Variants in BRPF3 observed in about 807,000 individuals in gnomAD.
The protein encoded by BRPF3 is bromodomain and PHD finger containing 3, also known as bromodomain and PHD finger-containing protein 3.
Under a neutral mutation model 102.0 loss-of-function variants are expected in BRPF3, and 18 were observed. The ratio of observed to expected loss-of-function variants is 0.18; its 90% confidence interval spans 0.12 to 0.26. The LOEUF is 0.26. Among genes scored for constraint, BRPF3 ranks in the 10% least tolerant of loss-of-function variants. The pLI is 1.00. For missense variants in BRPF3, 1,147 were observed against 1,567.8 expected, an observed-to-expected ratio of 0.73 and a Z score of 4.53; for synonymous variants, 570 against 614.2, an observed-to-expected ratio of 0.93 and a Z score of 1.06.
chr6:36,211,595 G>GTTA (rs1375759413), intron 7 of BRPF3, 35 bp downstream of exon 7: 7 of 1,540,714 alleles, frequency 4.5e-6, no homozygotes, highest in Non-Finnish European at 6.1e-6. Context: ...GGGGGTTGGA[G>GTTA]GGTAAAGAGG....
intron 9 of BRPF3, 57 bp from the exon 10 acceptor site, chr6:36,222,111 G>A: frequency 1.3e-6 from 2 of 1,506,320 alleles, no homozygotes; most frequent in Non-Finnish European, 1.8e-6. Context: ...AAGGGGAGTC[G>A]GCGTTTTAGT....
intron 8 of BRPF3, among the ~76,000 whole-genome samples, chr6:36,215,531 C>T (rs1309380732): frequency 6.6e-6 from 1 of 152,232 alleles, no homozygotes; most frequent in Non-Finnish European, 1.5e-5. Context: ...AAATGAGTCT[C>T]TCAAAATGTA....
chr6:36,212,969 A>G (rs1359468797), intron 7 of BRPF3, among the ~76,000 whole-genome samples: 1 of 152,232 alleles, frequency 6.6e-6, no homozygotes, highest in Non-Finnish European at 1.5e-5. Context: ...CAAAAAAAAA[A>G]AAAAAGTTTC....
In BRPF3 at chr6:36,204,858, G is replaced by C. The variant is rs781692679; in HGVS notation, c.1605+44G>C. ...TGAGGCTGGTAGAGGGAGGTGGAGA[G>C]TGAAGGAAAAGGAATGATGGTTGGG... On this transcript the variant is annotated intron_variant, in intron 3 of 12. Transcript: ENST00000357641. 4 of 1,598,382 alleles carry C rather than the reference G, an allele frequency of 2.5e-6. 1 individual carries two copies. The South Asian group carries it at 4.4e-5, about 18-fold the overall frequency.
chr6:36,204,099 T>C (rs1438198677), intron 2 of BRPF3, among the ~76,000 whole-genome samples: 2 of 152,362 alleles, frequency 1.3e-5, no homozygotes, highest in Admixed American at 1.3e-4. Flanking sequence ...ATCCAATTTT[T>C]TTTTTCATTT....
chr6:36,228,056 G>A (rs115251436), intron 11 of BRPF3, among the ~76,000 whole-genome samples: 111 of 152,352 alleles, frequency 7.3e-4, no homozygotes, highest in African/African-American at 2.5e-3. Flanking sequence ...GAGGCAGTGG[G>A]CTGTGGAGGC....
chr6:36,204,051 G>T (rs1767814685), intron 2 of BRPF3, among the ~76,000 whole-genome samples: 1 of 152,124 alleles, frequency 6.6e-6, no homozygotes, highest in African/African-American at 2.4e-5. Context: ...AGTTTAGCCA[G>T]CTGGGTTTTC....
chr6:36,200,845 G>A lies in BRPF3; in HGVS notation c.523G>A (p.Gly175Arg). The part of the protein sequence containing the change: ...DMVNEKRRVD[G>R]HSLVSADTFE... ...GGTGAATGAAAAACGGCGAGTAGAT[G>A]GGCACAGTTTGGTGTCTGCAGATAC... The change falls in exon 2 of 13, where the codon GGG becomes AGG. Residue 175 changes from glycine to arginine, a missense_variant. By Grantham distance (125) the Gly-to-Arg change is moderately radical (BLOSUM62 -2). Coordinates refer to ENST00000357641, the MANE Select transcript of BRPF3 (RefSeq NM_015695.3). The surrounding 1 kb of genome is among the most constrained non-coding windows in gnomAD (Gnocchi z 5.3). 1.2e-6 allele frequency: 2 copies of A among 1,614,166 alleles called. No individual in the cohort carries two copies. The highest frequency in any genetic ancestry group is 8.5e-7 in the Non-Finnish European group (1 of 1,180,036).
At position 36,214,170 on chromosome 6, in the gene BRPF3, C is replaced by T. The variant is rs1768237468; in HGVS notation, c.2773C>T (p.Arg925Cys). Residue 925 changes from arginine to cysteine, a missense_variant, in exon 8 of 13, where the codon CGC (arginine) becomes TGC (cysteine). Around this residue, in one of 11 missense-constraint regions of BRPF3, gnomAD observed 379 missense variants for 426.3 expected, o/e 0.89. Coordinates refer to ENST00000357641, the MANE Select transcript of BRPF3 (RefSeq NM_015695.3). ...CGGTACCCCACTTAGTGGTGTGGGT[C>T]GCCGCACATCAGTCCTCTTCAAGAA... ...PAGTPLSGVG[R>C]RTSVLFKKAK... 1.9e-6 allele frequency: 3 copies of T among 1,614,030 alleles called. No homozygotes were observed. The highest frequency in any genetic ancestry group is 1.3e-5 in the African/African-American group (1 of 74,912).
chr6:36,198,263 G>A (rs1253841434), intron 1 of BRPF3, among the ~76,000 whole-genome samples: 1 of 152,192 alleles, frequency 6.6e-6, no homozygotes, highest in East Asian at 1.9e-4. Flanking sequence ...GGCCTTTCAA[G>A]TAAAGATGTT....
chr6:36,201,652 G>A lies in BRPF3; in HGVS notation c.1330G>A (p.Val444Met), dbSNP rs752171996. The change falls in exon 2 of 13, where the codon GTG becomes ATG. Residue 444 changes from valine (V) to methionine (M), a missense_variant. By Grantham distance (21) the Val-to-Met change is conservative. Transcript: ENST00000357641. This position sits in a 1 kb window ranked among gnomAD's most constrained non-coding sequence, Gnocchi z 5.1. ...QGGVSGSLKG[V>M]PKKSKMSLKQ... ...CGGGGTGAGTGGCTCCCTCAAGGGA[G>A]TGCCCAAGAAAAGCAAGATGAGTTT... 2 of 1,614,116 alleles carry A rather than the reference G, an allele frequency of 1.2e-6. No homozygotes were observed. Among genetic ancestry groups the A allele is most frequent in the Non-Finnish European group, 8.5e-7 (1 of 1,180,048 alleles).
At chr6:36,208,585 T>C (rs7755893) in intron 4 of BRPF3, among the ~76,000 whole-genome samples, 2,955 of 152,270 alleles carry the variant, frequency 0.019, 80 homozygotes, top group African/African-American at 0.066. Context: ...TTCCTCCTCA[T>C]AGCCTGGGCA....
At position 36,214,112 on chromosome 6, in the gene BRPF3, C is replaced by A. The variant is rs779412404; in HGVS notation, c.2715C>A (p.Asn905Lys). Residue 905 changes from asparagine (N) to lysine (K), a missense_variant, in exon 8 of 13, where the codon AAC (asparagine) becomes AAA (lysine). Around this residue, in one of 11 missense-constraint regions of BRPF3, gnomAD observed 379 missense variants for 426.3 expected, o/e 0.89. Coordinates refer to ENST00000357641, the MANE Select transcript of BRPF3 (RefSeq NM_015695.3). ...LQRLLSDNGI[N>K]RLSLMAPDTP... ...GCTTGCTCAGTGACAATGGCATCAA[C>A]AGACTATCCCTCATGGCCCCTGACA... 6.2e-7 allele frequency: 1 copy of A among 1,614,228 alleles called. No homozygotes were observed. Among genetic ancestry groups the A allele is most frequent in the South Asian group, 1.1e-5 (1 of 91,084 alleles).
chr6:36,211,276 C>T lies in BRPF3; in HGVS notation c.2198C>T (p.Pro733Leu), dbSNP rs1768096380. Residue 733 changes from proline (P) to leucine (L), a missense_variant, in exon 7 of 13, where the codon CCA (proline) becomes CTA (leucine). Around this residue, in one of 11 missense-constraint regions of BRPF3, gnomAD observed 109 missense variants for 175.1 expected, o/e 0.62. Transcript: ENST00000357641. ...SWEDVDNILI[P>L]ENRAHLSPEV... ...CTGGCAGTGGACAACATCCTCATCC[C>T]AGAGAACCGGGCCCATTTGTCCCCA... 1.9e-6 allele frequency: 3 copies of T among 1,613,766 alleles called. No individual in the cohort carries two copies. In the African/African-American group the frequency reaches 4.0e-5, roughly 22 times the overall value.
At chr6:36,225,196 C>A in intron 10 of BRPF3, 71 bp from the exon 11 acceptor site, 1 of 1,343,716 alleles carries the variant, frequency 7.4e-7, no homozygotes, top group Non-Finnish European at 1.0e-6. Context: ...AAGTGGAGGC[C>A]ACAGGCAGGC....
Position 36,230,313 on chromosome 6 carries a change from C to T in BRPF3, c.3435-113C>T. 9.3e-7 allele frequency: 1 copy of T among 1,069,916 alleles called. No homozygotes were observed. Among genetic ancestry groups the T allele is most frequent in the Non-Finnish European group, 1.4e-6 (1 of 728,634 alleles). 66.3% of individuals were successfully genotyped at this position (1,069,916 alleles called of 1,614,324 possible). On this transcript the variant is annotated intron_variant, in intron 12 of 12. Transcript: ENST00000357641. This position sits in a 1 kb window ranked among gnomAD's most constrained non-coding sequence, Gnocchi z 5.4. ...ATGGAGTCCCCCAATTTGCTTCCCT[C>T]TGCCCTGTACCCTCTCCCTGGCTTT...
intron 8 of BRPF3, 35 bp downstream of exon 8, chr6:36,214,421 ATCTGCTTT>A (rs750214143): frequency 1.3e-6 from 2 of 1,516,648 alleles, no homozygotes; most frequent in South Asian, 2.6e-5. Context: ...GATACTTCGC[ATCTGCTTT>A]TCTGCTTTGC....
At position 36,230,483 on chromosome 6, in the gene BRPF3, G is replaced by A. The variant is rs201170312; in HGVS notation, c.3492G>A (p.Lys1164=). ...TGGGTGTGGAAGACACCGTGGACAA[G>A]CTCAAGATGCTGGAAGGCCGCAAGA... ...LPLGVEDTVD[K]LKMLEGRKTS... Residue 1164 remains lysine, a synonymous_variant, in exon 13 of 13, where the codon AAG becomes AAA. Coordinates refer to ENST00000357641, the MANE Select transcript of BRPF3 (RefSeq NM_015695.3). The surrounding 1 kb of genome is among the most constrained non-coding windows in gnomAD (Gnocchi z 5.4). 10 of 1,614,178 alleles carry A rather than the reference G, an allele frequency of 6.2e-6. No homozygotes were observed. The highest frequency in any genetic ancestry group is 5.0e-5 in the Admixed American group (3 of 60,024).
In BRPF3 at chr6:36,222,206, C is replaced by T; in HGVS notation, c.3122C>T (p.Ala1041Val). The change falls in exon 10 of 13, where the codon GCC (alanine) becomes GTC (valine). Residue 1041 changes from alanine to valine, a missense_variant. By Grantham distance (64) the Ala-to-Val change is moderately conservative. This residue lies in a region of BRPF3 where 379 missense variants were observed against 426.3 expected (regional missense o/e 0.89). Transcript: ENST00000357641. ...TPPKRSRGKP[A>V]LSRVPFLEGV... Reference sequence around the variant, plus strand: ...CCCAAACGCAGCCGTGGGAAGCCAGCCCTGTCTCGAGTGCCCTTCCTGGAA... The same window carrying T: ...CCCAAACGCAGCCGTGGGAAGCCAGTCCTGTCTCGAGTGCCCTTCCTGGAA... The T allele has an allele frequency of 6.4e-7, 1 of 1,550,604 alleles. No individual in the cohort carries two copies. The highest frequency in any genetic ancestry group is 8.7e-7 in the Non-Finnish European group (1 of 1,147,252).
Sources: gnomAD v4.1 joint callset for allele counts (sites outside exome capture counted in the v4.1 genomes callset) on GRCh38, gnomAD v4.1.1 for gene constraint, gnomAD v4.1.1 regional missense constraint, Gnocchi (gnomAD v3.1) non-coding constraint, MANE v1.5 for transcripts, NCBI Gene and HGNC (gene_info 2026-07-23, HGNC 2026-07-21) for gene names.